Variants in GABRG3 observed in about 807,000 individuals in gnomAD.
The protein encoded by GABRG3 is gamma-aminobutyric acid receptor subunit gamma-3.
In GABRG3, 25 loss-of-function variants were observed where a neutral mutation model predicts 48.8. That is an observed-to-expected ratio of 0.51 (90% CI 0.37 to 0.72). The LOEUF (loss-of-function observed/expected upper bound fraction) is 0.72. Among genes scored for constraint, GABRG3 ranks in the 30% least tolerant of loss-of-function variants. The pLI, the probability that GABRG3 is intolerant of heterozygous loss-of-function variation, is 0.00. For synonymous variants in GABRG3, 227 were observed against 217.6 expected (o/e 1.04, Z -0.38); for missense variants, 394 against 577.9 (o/e 0.68, Z 3.26).
chr15:27,149,723 C>G (rs1194302497), intron 3 of GABRG3, among the ~76,000 whole-genome samples: 1 of 152,136 alleles, frequency 6.6e-6, no homozygotes, highest in Non-Finnish European at 1.5e-5. Context: ...TCTCGTAGAA[C>G]CTCCGGAAGG....
intron 5 of GABRG3, among the ~76,000 whole-genome samples, chr15:27,357,197 G>A (rs984915480): frequency 6.6e-6 from 1 of 152,152 alleles, no homozygotes; most frequent in African/African-American, 2.4e-5. Context: ...ACTGAGAAGA[G>A]ACTAGCCCTT....
intron 5 of GABRG3, among the ~76,000 whole-genome samples, chr15:27,376,840 G>C (rs1218939960): frequency 3.3e-5 from 5 of 152,118 alleles, no homozygotes; most frequent in Non-Finnish European, 7.3e-5. Context: ...ATTAACATTC[G>C]ACTCCTCATT....
At chr15:27,025,383 A>G (rs998319316) in intron 2 of GABRG3, among the ~76,000 whole-genome samples, 6 of 152,230 alleles carry the variant, frequency 3.9e-5, no homozygotes, top group Admixed American at 3.9e-4. Context: ...GTTGAATCCA[A>G]TAATTTGAAG....
At chr15:27,268,367 C>T (rs1396097340) in intron 3 of GABRG3, among the ~76,000 whole-genome samples, 1 of 152,158 alleles carries the variant, frequency 6.6e-6, no homozygotes, top group African/African-American at 2.4e-5. Context: ...TAAGTAGAAT[C>T]TATGGTAATG....
At chr15:27,508,504 A>G (rs1010666147) in intron 6 of GABRG3, among the ~76,000 whole-genome samples, 3 of 152,170 alleles carry the variant, frequency 2.0e-5, no homozygotes, top group African/African-American at 7.2e-5. Context: ...TTTGCTTTAA[A>G]CAGTTAACTT....
intron 3 of GABRG3, among the ~76,000 whole-genome samples, chr15:27,264,601 C>G (rs1206498920): frequency 7.5e-6 from 1 of 132,546 alleles, no homozygotes; most frequent in African/African-American, 2.9e-5. Flanking sequence ...TTATAAAAAA[C>G]CCTCAAACCA....
intron 4 of GABRG3, among the ~76,000 whole-genome samples, chr15:27,328,231 C>G (rs980771070): frequency 6.6e-6 from 1 of 152,144 alleles, no homozygotes; most frequent in Non-Finnish European, 1.5e-5. Context: ...AGCCATACAC[C>G]GGAGACTCTG....
In GABRG3 at chr15:27,457,953, A is replaced by C. The variant is rs918293081; in HGVS notation, c.575-22697A>C. ...TCGTGGGACCTTATTGATGTAGCTG[A>C]AAGAGGAGGCAGAAACAGCCTGTGA... On this transcript the variant is annotated intron_variant, in intron 5 of 9. Transcript: ENST00000615808. The surrounding 1 kb of genome is among the most constrained non-coding windows in gnomAD (Gnocchi z 4.4). 7.9e-5 allele frequency among the ~76,000 whole-genome samples: 12 copies of C among 152,140 alleles called. No individual in the cohort carries two copies. Among genetic ancestry groups the C allele is most frequent in the African/African-American group, 2.9e-4 (12 of 41,420 alleles).
intron 5 of GABRG3, among the ~76,000 whole-genome samples, chr15:27,465,314 A>G (rs994020983): frequency 6.6e-6 from 1 of 151,814 alleles, no homozygotes; most frequent in Admixed American, 6.6e-5. Context: ...AAGCTACTGA[A>G]ATCCTGAAAA....
At chr15:27,259,831 A>G (rs1036138919) in intron 3 of GABRG3, among the ~76,000 whole-genome samples, 4 of 152,170 alleles carry the variant, frequency 2.6e-5, no homozygotes, top group Non-Finnish European at 5.9e-5. Context: ...GAATCCACAT[A>G]TGGGGAAGAT....
rs562193584 is a variant in GABRG3 at position 27,188,061 on chromosome 15, C to G, written c.271-138748C>G. On this transcript the variant is annotated intron_variant, in intron 3 of 9. Coordinates refer to ENST00000615808, the MANE Select transcript of GABRG3 (RefSeq NM_033223.5). ...GTCCCTACAAAGGACCTGAACTCAT[C>G]ATTTTTTATGGCTGCATAGTATTCC... 8.7e-3 allele frequency among the ~76,000 whole-genome samples: 1,330 copies of G among 152,140 alleles called. 15 individuals carry two copies. Among genetic ancestry groups the G allele is most frequent in the African/African-American group, 0.031 (1,280 of 41,482 alleles).
intron 2 of GABRG3, among the ~76,000 whole-genome samples, chr15:27,004,869 A>C (rs1460408624): frequency 1.3e-5 from 2 of 152,280 alleles, no homozygotes; most frequent in East Asian, 3.9e-4. Flanking sequence ...GACTGTGTGG[A>C]CTGGCATTGT....
At chr15:27,362,235 C>T (rs1302417804) in intron 5 of GABRG3, 1 of 152,200 alleles carries the variant, frequency 6.6e-6, no homozygotes, top group Non-Finnish European at 1.5e-5. Flanking sequence ...AAAGTGACAC[C>T]TTCTACTATC....
intron 3 of GABRG3, among the ~76,000 whole-genome samples, chr15:27,193,103 G>A (rs897148931): frequency 1.1e-4 from 16 of 152,014 alleles, no homozygotes; most frequent in South Asian, 4.2e-4. Flanking sequence ...GTATCCGGCC[G>A]TGTGAGGTGT....
At chr15:27,313,252 GTGTGTGTGTGTATATATA>G in intron 3 of GABRG3, among the ~76,000 whole-genome samples, 1 of 60,810 alleles carries the variant, frequency 1.6e-5, no homozygotes, top group African/African-American at 6.7e-5. Flanking sequence ...GTGTGTGTGT[GTGTGTGTGTGTATATATA>G]TATATATATA....
chr15:27,460,118 AT>A (rs1889403767), intron 5 of GABRG3, among the ~76,000 whole-genome samples: 1 of 152,202 alleles, frequency 6.6e-6, no homozygotes, highest in African/African-American at 2.4e-5. Flanking sequence ...CTTTGGATAA[AT>A]TTAAGTATTA....
At chr15:27,374,457 G>A (rs2140558776) in intron 5 of GABRG3, among the ~76,000 whole-genome samples, 1 of 152,186 alleles carries the variant, frequency 6.6e-6, no homozygotes, top group South Asian at 2.1e-4. Flanking sequence ...TTTCCAATTT[G>A]AAATTTAGGA....
chr15:27,493,250 T>C (rs1044406597), intron 6 of GABRG3, among the ~76,000 whole-genome samples: 23 of 152,150 alleles, frequency 1.5e-4, no homozygotes, highest in African/African-American at 4.1e-4. Context: ...TTCCATACAA[T>C]AGACTCGATT....
At chr15:27,395,076 A>T (rs973522756) in intron 5 of GABRG3, among the ~76,000 whole-genome samples, 1 of 152,106 alleles carries the variant, frequency 6.6e-6, no homozygotes, top group African/African-American at 2.4e-5. Context: ...CTCCTTCTGG[A>T]GTTCCCATTG....
Sources: gnomAD v4.1 joint callset for allele counts (sites outside exome capture counted in the v4.1 genomes callset) on GRCh38, gnomAD v4.1.1 for gene constraint, Gnocchi (gnomAD v3.1) non-coding constraint, MANE v1.5 for transcripts, NCBI Gene and HGNC (gene_info 2026-07-23, HGNC 2026-07-21) for gene names.